Variants in CCSER1 observed in about 807,000 individuals in gnomAD.
CCSER1 encodes the protein coiled-coil serine rich protein 1.
CCSER1 carries 41 observed loss-of-function variants against 82.0 expected under a neutral mutation model. The observed-to-expected ratio is 0.50, with a 90% confidence interval of 0.39 to 0.65. The LOEUF is 0.65. Ranked by LOEUF, CCSER1 falls within the 30% of genes least tolerant of loss-of-function variation. The pLI is 0.00. For synonymous variants in CCSER1, 414 were observed against 383.9 expected, an observed-to-expected ratio of 1.08 and a Z score of -0.92; for missense variants, 1,119 against 1,064.2, an observed-to-expected ratio of 1.05 and a Z score of -0.72.
chr4:90,399,256 C>T (rs752362388), intron 3 of CCSER1, among the ~76,000 whole-genome samples: 1 of 152,112 alleles, frequency 6.6e-6, no homozygotes, highest in Non-Finnish European at 1.5e-5. Context: ...CTCAAGACTT[C>T]TCAGTGTAGC....
At chr4:91,156,021 T>C (rs1408147973) in intron 10 of CCSER1, among the ~76,000 whole-genome samples, 2 of 151,854 alleles carry the variant, frequency 1.3e-5, no homozygotes, top group African/African-American at 4.8e-5. Flanking sequence ...GTTTTAGAAA[T>C]AATGCTGAGA....
rs144207267 is a variant in CCSER1 at position 91,582,616 on chromosome 4, T to A, written c.2218-15956T>A. ...TTAACTATTATCCACTAGGGATAGG[T>A]CATATTGACTATCTATTTAGGTTGG... On this transcript the variant is annotated intron_variant, in intron 10 of 10. Transcript: ENST00000509176. Among the ~76,000 whole-genome samples, 6 of 151,646 alleles carry A rather than the reference T, an allele frequency of 4.0e-5. No homozygotes were observed. In the East Asian group the frequency reaches 1.2e-3, roughly 29 times the overall value.
At chr4:90,230,307 A>T (rs1177722911) in intron 1 of CCSER1, among the ~76,000 whole-genome samples, 2 of 152,230 alleles carry the variant, frequency 1.3e-5, no homozygotes, top group African/African-American at 4.8e-5. Flanking sequence ...AGAACTCAGG[A>T]TGAAGAAACT....
At chr4:90,429,104 C>T (rs1004652053) in intron 4 of CCSER1, among the ~76,000 whole-genome samples, 5 of 151,488 alleles carry the variant, frequency 3.3e-5, no homozygotes, top group Non-Finnish European at 5.9e-5. Context: ...ATATAGGAAC[C>T]GTCAGTACTA....
intron 10 of CCSER1, among the ~76,000 whole-genome samples, chr4:91,489,591 G>T (rs1758403864): frequency 6.6e-6 from 1 of 152,014 alleles, no homozygotes; most frequent in East Asian, 1.9e-4. Flanking sequence ...GATCACCTGA[G>T]GTCAGGAGTT....
At chr4:90,713,475 C>G (rs1741033541) in intron 6 of CCSER1, among the ~76,000 whole-genome samples, 1 of 151,968 alleles carries the variant, frequency 6.6e-6, no homozygotes, top group South Asian at 2.1e-4. Context: ...TTGGCCCCCA[C>G]TCTCTTCTGG....
chr4:91,395,886 T>C (rs78696716), intron 10 of CCSER1, among the ~76,000 whole-genome samples: 2,812 of 152,206 alleles, frequency 0.018, 61 homozygotes, highest in African/African-American at 0.063. Context: ...TCCAACTTCA[T>C]AGAAACTAAG....
chr4:91,374,851 C>A (rs1405082982), intron 10 of CCSER1, among the ~76,000 whole-genome samples: 5 of 152,102 alleles, frequency 3.3e-5, no homozygotes, highest in Non-Finnish European at 5.9e-5. Flanking sequence ...CAAAAATTAG[C>A]CAGGCATGGT....
intron 1 of CCSER1, among the ~76,000 whole-genome samples, chr4:90,262,545 A>G (rs1410006012): frequency 2.0e-5 from 3 of 152,178 alleles, no homozygotes; most frequent in Admixed American, 6.5e-5. Flanking sequence ...TACTGAGTTA[A>G]TGGTTCAAGT....
intron 3 of CCSER1, among the ~76,000 whole-genome samples, chr4:90,319,160 G>T (rs767948142): frequency 6.6e-6 from 1 of 152,106 alleles, no homozygotes; most frequent in Non-Finnish European, 1.5e-5. Flanking sequence ...TGCTAGTGCT[G>T]AGCAGGTTTG....
intron 9 of CCSER1, among the ~76,000 whole-genome samples, chr4:91,060,298 G>C (rs1384001220): frequency 6.6e-6 from 1 of 151,956 alleles, no homozygotes; most frequent in Admixed American, 6.6e-5. Context: ...CATTTATTAG[G>C]AAATACTGAT....
chr4:91,602,163 TAGTA>T lies in CCSER1; in HGVS notation c.*3109_*3112del, dbSNP rs994070600. ...TCTAATGATTGACATGAAAATAAAA[TAGTA>T]AGCCAATATTAATTTGTAGGCATAG... On this transcript the variant is annotated 3_prime_UTR_variant, in exon 11 of 11. Transcript: ENST00000509176. Among the ~76,000 whole-genome samples, 18 of 152,172 alleles carry T rather than the reference TAGTA, an allele frequency of 1.2e-4. No individual in the cohort carries two copies. Among genetic ancestry groups the T allele is most frequent in the Admixed American group, 2.6e-4 (4 of 15,256 alleles).
chr4:91,379,437 A>T (rs1469065474), intron 10 of CCSER1, among the ~76,000 whole-genome samples: 4 of 152,010 alleles, frequency 2.6e-5, no homozygotes, highest in African/African-American at 4.8e-5. Flanking sequence ...AGAGCCTGTT[A>T]TTGGTCTATT....
intron 5 of CCSER1, among the ~76,000 whole-genome samples, chr4:90,469,412 T>C: frequency 6.6e-6 from 1 of 152,026 alleles, no homozygotes. Flanking sequence ...ATTTAACTGC[T>C]CTTCATATAG....
At chr4:90,208,536 G>A (rs1299036096) in intron 1 of CCSER1, among the ~76,000 whole-genome samples, 1 of 149,924 alleles carries the variant, frequency 6.7e-6, no homozygotes, top group African/African-American at 2.5e-5. Context: ...TGGCATTCCA[G>A]GCACCACTGG....
intron 8 of CCSER1, among the ~76,000 whole-genome samples, chr4:90,848,343 C>T (rs1763452575): frequency 6.6e-6 from 1 of 151,978 alleles, no homozygotes; most frequent in Non-Finnish European, 1.5e-5. Flanking sequence ...AAGCTAAGGG[C>T]AGAAAATGGC....
intron 9 of CCSER1, among the ~76,000 whole-genome samples, chr4:90,957,553 T>A (rs1171222976): frequency 3.9e-5 from 2 of 50,832 alleles, no homozygotes; most frequent in South Asian, 6.1e-4. Flanking sequence ...ATAATTATAT[T>A]ATATATATTA....
chr4:91,216,195 C>G (rs896587925), intron 10 of CCSER1, among the ~76,000 whole-genome samples: 3 of 152,210 alleles, frequency 2.0e-5, no homozygotes, highest in African/African-American at 7.2e-5. Context: ...ACCTCCCATA[C>G]CTGCCTCCTC....
intron 6 of CCSER1, among the ~76,000 whole-genome samples, chr4:90,694,963 C>G (rs989000492): frequency 6.6e-6 from 1 of 151,384 alleles, no homozygotes; most frequent in African/African-American, 2.4e-5. Flanking sequence ...TACAATTTAC[C>G]AGTAACATAC....
Sources: allele counts gnomAD v4.1 joint callset (sites outside exome capture counted in the v4.1 genomes callset), GRCh38; gene constraint gnomAD v4.1.1; transcripts MANE v1.5; gene names NCBI Gene and HGNC (gene_info 2026-07-23, HGNC 2026-07-21).